The following PLEKHM3 variants were observed in gnomAD, a reference collection of about 807,000 sequenced individuals.
PLEKHM3 encodes pleckstrin homology domain-containing family M member 3.
Under a neutral mutation model 81.8 loss-of-function variants are expected in PLEKHM3, and 45 were observed. The observed-to-expected ratio is 0.55, with a 90% confidence interval of 0.43 to 0.71. The LOEUF is 0.71. Ranked by LOEUF, PLEKHM3 falls within the 30% of genes least tolerant of loss-of-function variation. PLEKHM3 has a pLI of 0.00. For missense variants in PLEKHM3, 788 were observed against 924.3 expected (o/e 0.85, Z 1.91); for synonymous variants, 352 against 356.4 (o/e 0.99, Z 0.14).
At chr2:207,840,853 T>C (rs1057390206) in intron 7 of PLEKHM3, among the ~76,000 whole-genome samples, 2 of 145,450 alleles carry the variant, frequency 1.4e-5, no homozygotes, top group Admixed American at 1.5e-4. Flanking sequence ...CAGGCTGGAG[T>C]GCAGTAGTGT....
intron 5 of PLEKHM3, among the ~76,000 whole-genome samples, chr2:207,910,520 G>A (rs563069010): frequency 6.6e-6 from 1 of 152,318 alleles, no homozygotes; most frequent in South Asian, 2.1e-4. Flanking sequence ...CAGAGGCAAA[G>A]ACCAATTTGC....
intron 1 of PLEKHM3, among the ~76,000 whole-genome samples, chr2:208,025,047 G>A (rs1693282617): frequency 6.6e-6 from 1 of 152,220 alleles, no homozygotes; most frequent in Non-Finnish European, 1.5e-5. Context: ...GCCTGATGTA[G>A]GTTAAAAGCT....
chr2:207,946,099 G>T (rs1355164067), intron 4 of PLEKHM3, among the ~76,000 whole-genome samples: 1 of 152,136 alleles, frequency 6.6e-6, no homozygotes, highest in Admixed American at 6.5e-5. Context: ...AATAATAAAA[G>T]AGGCTCCTCT....
intron 6 of PLEKHM3, among the ~76,000 whole-genome samples, chr2:207,878,114 A>G (rs77223152): frequency 6.6e-6 from 1 of 152,084 alleles, no homozygotes; most frequent in African/African-American, 2.4e-5. Flanking sequence ...AATTTTAAAA[A>G]TTTTTTGGAG....
In PLEKHM3 at chr2:207,821,739, A is replaced by T. The variant is rs193003947; in HGVS notation, c.*6580T>A. 31 of 151,968 alleles carry T rather than the reference A, an allele frequency of 2.0e-4. No individual in the cohort carries two copies. The highest frequency in any genetic ancestry group is 7.5e-4 in the African/African-American group (31 of 41,458). 9.4% of individuals were successfully genotyped at this position (151,968 alleles called of 1,614,324 possible). A position where few individuals can be genotyped will look rare whatever the true frequency, so the allele number is the denominator to read the frequency against. On this transcript the variant is annotated 3_prime_UTR_variant, in exon 8 of 8. Transcript: ENST00000427836. ...GCATTTTCTCTCCTTTAAAAAAAAA[A>T]GTATATATATATATTTTTCAAAGAG... is the stretch of plus-strand genomic sequence containing the variant.
chr2:207,992,386 C>T (rs1691927234), intron 2 of PLEKHM3, among the ~76,000 whole-genome samples: 1 of 152,178 alleles, frequency 6.6e-6, no homozygotes, highest in East Asian at 1.9e-4. Flanking sequence ...TAGCACAGAG[C>T]TGGGCATAAA....
chr2:207,910,274 G>A (rs1688770283), intron 5 of PLEKHM3, among the ~76,000 whole-genome samples: 1 of 152,182 alleles, frequency 6.6e-6, no homozygotes, highest in Non-Finnish European at 1.5e-5. Context: ...CTTCTCTACA[G>A]GAAGGCCCCT....
intron 2 of PLEKHM3, among the ~76,000 whole-genome samples, chr2:207,994,211 T>G (rs76462531): frequency 0.016 from 2,505 of 152,360 alleles, 30 homozygotes; most frequent in Middle Eastern, 0.027. Flanking sequence ...ATCTATACTT[T>G]GTTATAAGTG....
chr2:207,924,552 C>T (rs1362863356), intron 5 of PLEKHM3, among the ~76,000 whole-genome samples: 1 of 152,110 alleles, frequency 6.6e-6, no homozygotes, highest in Non-Finnish European at 1.5e-5. Context: ...GGTGTGGTGG[C>T]ACATGCCTGT....
At chr2:207,918,051 A>C (rs1233043787) in intron 5 of PLEKHM3, among the ~76,000 whole-genome samples, 1 of 152,156 alleles carries the variant, frequency 6.6e-6, no homozygotes, top group African/African-American at 2.4e-5. Context: ...TTGCTCATGC[A>C]ATCTTTTGAG....
chr2:207,827,911 A>G lies in PLEKHM3; in HGVS notation c.*408T>C, dbSNP rs1195964847. ...TGTGAAGGCTAAAAATAAATAACAC[A>G]AAAATAACCTAAAGCACTGTTTTGT... is the stretch of plus-strand genomic sequence containing the variant. On this transcript the variant is annotated 3_prime_UTR_variant, in exon 8 of 8. Coordinates refer to ENST00000427836, the MANE Select transcript of PLEKHM3 (RefSeq NM_001080475.3). The G allele has an allele frequency of 6.6e-6, 1 of 152,560 alleles. No homozygotes were observed. Among genetic ancestry groups the G allele is most frequent in the Non-Finnish European group, 1.5e-5 (1 of 68,292 alleles). The allele number at this position is 152,560 out of a possible 1,614,324, so 9.5% of individuals were successfully genotyped here. A position where few individuals can be genotyped will look rare whatever the true frequency, so the allele number is the denominator to read the frequency against.
intron 6 of PLEKHM3, among the ~76,000 whole-genome samples, chr2:207,872,306 A>G (rs2092538675): frequency 6.6e-6 from 1 of 152,232 alleles, no homozygotes; most frequent in Non-Finnish European, 1.5e-5. Context: ...AGACTAAATT[A>G]GCCCAGGTTT....
chr2:207,876,992 G>A (rs1348739400), intron 6 of PLEKHM3, among the ~76,000 whole-genome samples: 1 of 152,116 alleles, frequency 6.6e-6, no homozygotes, highest in East Asian at 1.9e-4. Context: ...CTGTGCCAAG[G>A]AAGTATATTA....
At position 207,828,229 on chromosome 2, in the gene PLEKHM3, T is replaced by TC; in HGVS notation, c.*89dup. The TC allele has an allele frequency of 7.6e-7, 1 of 1,319,584 alleles. No individual in the cohort carries two copies. Among genetic ancestry groups the TC allele is most frequent in the African/African-American group, 1.5e-5 (1 of 67,712 alleles). The allele number at this position is 1,319,584 out of a possible 1,614,324, so 81.7% of individuals were successfully genotyped here. ...AGTTGAAGAGGATACATACTCTTCT[T>TC]CCAAAGGGGTCTAACTGGCTAGTTA... On this transcript the variant is annotated 3_prime_UTR_variant, in exon 8 of 8. Coordinates refer to ENST00000427836, the MANE Select transcript of PLEKHM3 (RefSeq NM_001080475.3).
At position 208,001,418 on chromosome 2, in the gene PLEKHM3, G is replaced by T; in HGVS notation, c.222C>A (p.Asp74Glu). Reference sequence around the variant, plus strand: ...TTTCTAAGAGCCTGCTCTTACAGTGGTCCCAAATCATGCCCCCCTTGCCCA... The same window carrying T: ...TTTCTAAGAGCCTGCTCTTACAGTGTTCCCAAATCATGCCCCCCTTGCCCA... ...TSLGKGGMIW[D>E]HCKSRLLETK... is the part of the protein sequence containing the mutation. Residue 74 changes from aspartate to glutamate, a missense_variant, in exon 2 of 8, where the codon GAC becomes GAA. Coordinates refer to ENST00000427836, the MANE Select transcript of PLEKHM3 (RefSeq NM_001080475.3). The T allele has an allele frequency of 1.2e-6, 2 of 1,614,126 alleles. No homozygotes were observed. The highest frequency in any genetic ancestry group is 1.1e-5 in the South Asian group (1 of 91,076).
At chr2:207,961,599 CT>C (rs1165805950) in intron 3 of PLEKHM3, among the ~76,000 whole-genome samples, 1 of 151,840 alleles carries the variant, frequency 6.6e-6, no homozygotes, top group Non-Finnish European at 1.5e-5. Context: ...AAAGAAACAC[CT>C]TCTATTTTTA....
chr2:208,001,982 AT>A (rs1315685475), intron 1 of PLEKHM3, 25 bp from the exon 2 acceptor site: 6 of 290,178 alleles, frequency 2.1e-5, no homozygotes, highest in African/African-American at 1.3e-4. Flanking sequence ...ACAGGATAAC[AT>A]TGGCACATGG....
At chr2:207,986,234 A>G (rs1048793546) in intron 2 of PLEKHM3, among the ~76,000 whole-genome samples, 1 of 152,188 alleles carries the variant, frequency 6.6e-6, no homozygotes. Flanking sequence ...TTTAAATGAA[A>G]CACTTATTAT....
rs760953216 is a variant in PLEKHM3, at chr2:208,001,469, A to G, written c.171T>C (p.Asn57=). 1.5e-5 allele frequency: 24 copies of G among 1,614,132 alleles called. No homozygotes were observed. Among genetic ancestry groups the G allele is most frequent in the Non-Finnish European group, 1.8e-5 (21 of 1,180,024 alleles). The change falls in exon 2 of 8, where the codon AAT becomes AAC. Residue 57 remains asparagine, a synonymous_variant. Coordinates refer to ENST00000427836, the MANE Select transcript of PLEKHM3 (RefSeq NM_001080475.3). The stretch of plus-strand genomic sequence containing the variant: ...GGGAGGTGACATTTCTCATAGCACC[A>G]TTGTCTGTTATGTTACTGAGTACCT... ...GHEVLSNITD[N]GAMRNVTSLG... is the part of the protein sequence containing the mutation.
Sources: gnomAD v4.1 joint callset for allele counts (sites outside exome capture counted in the v4.1 genomes callset) on GRCh38, gnomAD v4.1.1 for gene constraint, MANE v1.5 for transcripts, NCBI Gene and HGNC (gene_info 2026-07-23, HGNC 2026-07-21) for gene names.